The following METTL16 variants were observed in gnomAD, a reference collection of about 807,000 sequenced individuals.
The protein encoded by METTL16 is methyltransferase 16, RNA N6-adenosine, also known as RNA N(6)-adenosine-methyltransferase METTL16.
In METTL16, 19 loss-of-function variants were observed where a neutral mutation model predicts 57.9. That is an observed-to-expected ratio of 0.33 (90% CI 0.23 to 0.48). The LOEUF is 0.48. Among genes scored for constraint, METTL16 ranks in the 20% least tolerant of loss-of-function variants. The probability of loss-of-function intolerance (pLI) is 0.99; values close to 1 mark genes in which losing one functional copy is unlikely to be tolerated. For missense variants in METTL16, 434 were observed against 691.5 expected, an observed-to-expected ratio of 0.63 and a Z score of 4.18; for synonymous variants, 246 against 255.6, an observed-to-expected ratio of 0.96 and a Z score of 0.36.
At chr17:2,457,713 A>T (rs2067121802) in intron 6 of METTL16, among the ~76,000 whole-genome samples, 1 of 151,404 alleles carries the variant, frequency 6.6e-6, no homozygotes. Flanking sequence ...TCTGTCTCAA[A>T]AAAAAAAAAA....
chr17:2,454,252 A>G (rs1049447056), intron 6 of METTL16, among the ~76,000 whole-genome samples: 4 of 152,200 alleles, frequency 2.6e-5, no homozygotes, highest in Non-Finnish European at 5.9e-5. Context: ...AAACTTATTA[A>G]AAACTCAAGT....
intron 8 of METTL16, among the ~76,000 whole-genome samples, chr17:2,435,865 G>A (rs1190909459): frequency 1.3e-5 from 2 of 152,012 alleles, no homozygotes; most frequent in East Asian, 1.9e-4. Context: ...GCTGAAGGAT[G>A]CCCCAAAACA....
intron 5 of METTL16, among the ~76,000 whole-genome samples, chr17:2,465,273 G>A (rs2067183430): frequency 6.6e-6 from 1 of 152,072 alleles, no homozygotes; most frequent in African/African-American, 2.4e-5. Flanking sequence ...GCCGGGCGCG[G>A]TGGCTCATGT....
intron 7 of METTL16, among the ~76,000 whole-genome samples, chr17:2,439,924 C>T (rs556263741): frequency 6.6e-6 from 1 of 152,276 alleles, no homozygotes; most frequent in African/African-American, 2.4e-5. Flanking sequence ...GCATGGGTCA[C>T]GCCTGTAATC....
chr17:2,507,681 G>T (rs535920453), intron 1 of METTL16, among the ~76,000 whole-genome samples: 37 of 152,350 alleles, frequency 2.4e-4, no homozygotes, highest in African/African-American at 7.7e-4. Flanking sequence ...TTGTGGAATA[G>T]AAAAGGGGGA....
At chr17:2,494,105 GTGCAA>G (rs1445240308) in intron 2 of METTL16, among the ~76,000 whole-genome samples, 7 of 152,118 alleles carry the variant, frequency 4.6e-5, no homozygotes, top group African/African-American at 1.7e-4. Flanking sequence ...GAGTGCAGTG[GTGCAA>G]TCTTGGCTCA....
intron 8 of METTL16, among the ~76,000 whole-genome samples, chr17:2,434,608 C>T (rs2066896710): frequency 6.6e-6 from 1 of 152,214 alleles, no homozygotes; most frequent in Admixed American, 6.5e-5. Context: ...AGGGAGGTCT[C>T]AAGTACCAGC....
intron 2 of METTL16, among the ~76,000 whole-genome samples, chr17:2,496,037 G>A (rs1182041693): frequency 6.6e-6 from 1 of 151,472 alleles, no homozygotes; most frequent in Non-Finnish European, 1.5e-5. Context: ...TTGTACCTGG[G>A]AGCTGGAGGT....
At chr17:2,431,976 GCTC>G (rs1347986945) in intron 8 of METTL16, among the ~76,000 whole-genome samples, 2 of 151,308 alleles carry the variant, frequency 1.3e-5, no homozygotes, top group African/African-American at 4.9e-5. Context: ...ACTGAGTCTT[GCTC>G]TGTCGCCCAG....
intron 2 of METTL16, among the ~76,000 whole-genome samples, chr17:2,491,078 G>C (rs766379910): frequency 3.3e-5 from 5 of 152,100 alleles, no homozygotes; most frequent in Non-Finnish European, 7.4e-5. Flanking sequence ...CAAGTCACTC[G>C]ACTTCACTAG....
intron 1 of METTL16, among the ~76,000 whole-genome samples, chr17:2,507,312 A>G (rs541283733): frequency 0.027 from 2,920 of 108,402 alleles, 54 homozygotes; most frequent in African/African-American, 0.063. Flanking sequence ...CAGCCACCCC[A>G]TCCAGGAGGG....
chr17:2,490,580 T>C (rs969147426), intron 2 of METTL16, among the ~76,000 whole-genome samples: 1 of 152,196 alleles, frequency 6.6e-6, no homozygotes, highest in Non-Finnish European at 1.5e-5. Context: ...AATATATTTC[T>C]CTAATTTTCC....
At chr17:2,424,779 T>C (rs1373340695) in intron 8 of METTL16, among the ~76,000 whole-genome samples, 1 of 151,944 alleles carries the variant, frequency 6.6e-6, no homozygotes, top group Non-Finnish European at 1.5e-5. Context: ...AAATCCCATC[T>C]CTACTAAAAA....
intron 2 of METTL16, among the ~76,000 whole-genome samples, chr17:2,500,150 GTTATC>G (rs981509752): frequency 2.2e-4 from 33 of 152,270 alleles, no homozygotes; most frequent in African/African-American, 7.2e-4. Flanking sequence ...GATTTTAAGG[GTTATC>G]TTGGCTTCCA....
Position 2,474,533 on chromosome 17 carries a change from A to G in METTL16, c.329-869T>C, listed in dbSNP as rs117905429. On this transcript the variant is annotated intron_variant, in intron 3 of 9. Coordinates refer to ENST00000263092, the MANE Select transcript of METTL16 (RefSeq NM_024086.4). Reference sequence around the variant, plus strand: ...TTCAAGGGAAGCACTCAAGAGGCAAACGCTCCATGCAAAAAAAAACACTCT... The same window carrying G: ...TTCAAGGGAAGCACTCAAGAGGCAAGCGCTCCATGCAAAAAAAAACACTCT... 9.7e-4 allele frequency among the ~76,000 whole-genome samples: 148 copies of G among 152,204 alleles called. 2 individuals carry two copies. In the East Asian group the frequency reaches 0.026, roughly 27 times the overall value.
chr17:2,468,900 G>GTTT (rs80264339), intron 4 of METTL16, among the ~76,000 whole-genome samples: 3 of 143,852 alleles, frequency 2.1e-5, no homozygotes, highest in African/African-American at 5.2e-5. Flanking sequence ...ATAAAAAAAT[G>GTTT]TTTTTTTTTT....
intron 2 of METTL16, among the ~76,000 whole-genome samples, chr17:2,500,247 C>G (rs2067477496): frequency 6.6e-6 from 1 of 152,054 alleles, no homozygotes; most frequent in Non-Finnish European, 1.5e-5. Context: ...GAAAATGCCT[C>G]AAGCCCTATG....
chr17:2,457,911 G>C (rs1298780315), intron 6 of METTL16, among the ~76,000 whole-genome samples: 1 of 152,026 alleles, frequency 6.6e-6, no homozygotes, highest in Admixed American at 6.6e-5. Context: ...ACGGGCTCTT[G>C]CTCTGTCACC....
chr17:2,473,086 G>A (rs932248731), intron 4 of METTL16, among the ~76,000 whole-genome samples: 1 of 152,156 alleles, frequency 6.6e-6, no homozygotes, highest in African/African-American at 2.4e-5. Context: ...GGCTATGCGT[G>A]TGTGGGGGCA....
Sources: gnomAD v4.1 joint callset for allele counts (sites outside exome capture counted in the v4.1 genomes callset) on GRCh38, gnomAD v4.1.1 for gene constraint, MANE v1.5 for transcripts, NCBI Gene and HGNC (gene_info 2026-07-23, HGNC 2026-07-21) for gene names.